TET3: variants seen among roughly 807,000 people sequenced by gnomAD.
The protein encoded by TET3 is methylcytosine dioxygenase TET3.
In TET3, 19 loss-of-function variants were observed where a neutral mutation model predicts 141.4. That is an observed-to-expected ratio of 0.13 (90% CI 0.09 to 0.20). The LOEUF is 0.20. Among genes scored for constraint, TET3 ranks in the 10% least tolerant of loss-of-function variants. The pLI, the probability that TET3 is intolerant of heterozygous loss-of-function variation, is 1.00. For missense variants in TET3, 1,874 were observed against 2,356.9 expected (o/e 0.80, Z 4.24); for synonymous variants, 1,043 against 980.9 (o/e 1.06, Z -1.18).
At chr2:74,129,910 A>G in the TET3 span, among the ~76,000 whole-genome samples, 1 of 151,968 alleles carries the variant, frequency 6.6e-6, no homozygotes, top group Non-Finnish European at 1.5e-5. Context: ...CCTGGCCAAC[A>G]TGGTGAAACC....
chr2:74,116,167 C>T, the TET3 span, among the ~76,000 whole-genome samples: 13 of 152,104 alleles, frequency 8.5e-5, no homozygotes, highest in Admixed American at 4.6e-4. Flanking sequence ...ACTGAGATAT[C>T]ATGTCATCTC....
rs1457941670 is a variant in TET3, at chr2:74,101,483, C to A, written c.4695C>A (p.Gly1565=). 1.9e-6 allele frequency: 3 copies of A among 1,613,284 alleles called. No homozygotes were observed. Among genetic ancestry groups the A allele is most frequent in the Admixed American group, 1.7e-5 (1 of 59,944 alleles). The change falls in exon 12 of 12, where the codon GGC becomes GGA. Residue 1565 remains glycine, a synonymous_variant. Transcript: ENST00000409262. The surrounding 1 kb of genome is among the most constrained non-coding windows in gnomAD (Gnocchi z 8.5). ...KLWNPMKGEE[G]RIPAAGASQL... ...GGAACCCCATGAAAGGAGAGGAGGG[C>A]AGGATTCCAGCCGCAGGGGCCAGCC...
chr2:74,026,657 T>C (rs543883430), intron 3 of TET3, among the ~76,000 whole-genome samples: 1 of 152,256 alleles, frequency 6.6e-6, no homozygotes, highest in Non-Finnish European at 1.5e-5. Context: ...TCATGCTTAT[T>C]GCATATTATG....
intron 4 of TET3, 79 bp from the exon 5 acceptor site, chr2:74,073,470 T>C (rs888775127): frequency 4.1e-5 from 46 of 1,120,292 alleles, no homozygotes; most frequent in Non-Finnish European, 5.1e-5. Context: ...CTATTAACTT[T>C]CCTGTTGGTG....
chr2:74,096,279 CG>C (rs1690821607), intron 10 of TET3, among the ~76,000 whole-genome samples: 1 of 152,106 alleles, frequency 6.6e-6, no homozygotes, highest in Admixed American at 6.5e-5. Context: ...CAGAGGAAGT[CG>C]TAGACCCACA....
rs1690618533 is a variant in TET3 at position 74,093,291 on chromosome 2, C to T, written c.3130-238C>T. On this transcript the variant is annotated intron_variant, in intron 9 of 11. Coordinates refer to ENST00000409262, the MANE Select transcript of TET3 (RefSeq NM_001287491.2). The surrounding 1 kb of genome is among the most constrained non-coding windows in gnomAD (Gnocchi z 4.2). ...TTTCTCTCACCTGTCACCCTTGTATCTCCTAGACAAGGCAAGGGGACTTGG... is the reference window on the plus strand; with the variant it reads ...TTTCTCTCACCTGTCACCCTTGTATTTCCTAGACAAGGCAAGGGGACTTGG... Among the ~76,000 whole-genome samples the T allele has an allele frequency of 6.6e-6, 1 of 152,206 alleles. No individual in the cohort carries two copies. Among genetic ancestry groups the T allele is most frequent in the Non-Finnish European group, 1.5e-5 (1 of 68,032 alleles).
At chr2:74,038,318 TC>T (rs1252346113) in intron 3 of TET3, among the ~76,000 whole-genome samples, 2 of 152,216 alleles carry the variant, frequency 1.3e-5, no homozygotes, top group Non-Finnish European at 2.9e-5. Flanking sequence ...TTCCTGCCTC[TC>T]AGTCTCCTAG....
At chr2:74,124,234 C>A in the TET3 span, among the ~76,000 whole-genome samples, 5 of 151,072 alleles carry the variant, frequency 3.3e-5, no homozygotes, top group African/African-American at 9.8e-5. Context: ...CAGCCCCCGC[C>A]CAGCCAGCCG....
Position 74,047,182 on chromosome 2 carries a change from C to T in TET3, c.1265C>T (p.Ser422Phe). Residue 422 changes from serine (S) to phenylalanine (F), a missense_variant, in exon 4 of 12, where the codon TCT becomes TTT. Physicochemically the swap from Ser to Phe is radical, Grantham distance 155 (BLOSUM62 -2). Coordinates refer to ENST00000409262, the MANE Select transcript of TET3 (RefSeq NM_001287491.2). ...CACTCATCTTTTGCTCCTGATAGCT[C>T]TGCCTTCCCTCCAGCAACTCCTAGA... is the stretch of plus-strand genomic sequence containing the variant. ...EEHSSFAPDS[S>F]AFPPATPRTE... The T allele has an allele frequency of 6.2e-7, 1 of 1,614,012 alleles. No homozygotes were observed. Among genetic ancestry groups the T allele is most frequent in the South Asian group, 1.1e-5 (1 of 91,090 alleles).
intron 10 of TET3, among the ~76,000 whole-genome samples, chr2:74,097,976 C>T (rs1362420409): frequency 1.3e-5 from 2 of 152,112 alleles, no homozygotes; most frequent in East Asian, 3.8e-4. Context: ...ATATAGTCAA[C>T]ACAAGAGTAG....
intron 6 of TET3, among the ~76,000 whole-genome samples, chr2:74,086,402 T>C (rs1690162199): frequency 6.6e-6 from 1 of 152,188 alleles, no homozygotes; most frequent in Non-Finnish European, 1.5e-5. Flanking sequence ...AGTAGCTTTA[T>C]TGAGATACAA....
chr2:74,029,491 G>C lies in TET3; in HGVS notation c.361-16787G>C, dbSNP rs148526642. Among the ~76,000 whole-genome samples, 436 of 152,306 alleles carry C rather than the reference G, an allele frequency of 2.9e-3. 2 individuals carry two copies. The highest frequency in any genetic ancestry group is 0.01 in the African/African-American group (416 of 41,566). ...TTAAAAATGAAATTCTTGAAGAATA[G>C]TTAACAATATAGGAAAATGTTTATA... On this transcript the variant is annotated intron_variant, in intron 3 of 11. Transcript: ENST00000409262.
chr2:73,995,159 C>G (rs1399754117), intron 2 of TET3, among the ~76,000 whole-genome samples: 2 of 152,182 alleles, frequency 1.3e-5, no homozygotes, highest in African/African-American at 4.8e-5. Context: ...GGGGTTTTAC[C>G]ATGTTGGCCA....
At chr2:74,124,986 T>C in the TET3 span, among the ~76,000 whole-genome samples, 6 of 147,078 alleles carry the variant, frequency 4.1e-5, no homozygotes, top group African/African-American at 1.5e-4. Context: ...CTAACATGTA[T>C]ATTTAATACT....
the TET3 span, among the ~76,000 whole-genome samples, chr2:74,132,793 G>A: frequency 5.9e-5 from 9 of 152,220 alleles, no homozygotes; most frequent in Non-Finnish European, 1.2e-4. Context: ...CTGTAGAGAG[G>A]AAGGGACAGC....
chr2:74,075,677 G>A (rs1689467218), intron 5 of TET3, among the ~76,000 whole-genome samples: 1 of 152,094 alleles, frequency 6.6e-6, no homozygotes, highest in African/African-American at 2.4e-5. Context: ...ATTTTGAGCT[G>A]AATGACTATA....
At chr2:74,134,986 G>T in the TET3 span, 1 of 273,494 alleles carries the variant, frequency 3.7e-6, no homozygotes, top group South Asian at 3.5e-5. Context: ...TCAGCTGTGA[G>T]GGAGGCAGGG....
chr2:74,073,672 G>A (rs781664423), intron 5 of TET3, 33 bp downstream of exon 5: 1 of 1,541,068 alleles, frequency 6.5e-7, no homozygotes, highest in Non-Finnish European at 8.9e-7. Flanking sequence ...AGGAGAAATG[G>A]ATGTGCTGTT....
Position 74,101,665 on chromosome 2 carries a change from A to T in TET3, c.4877A>T (p.Lys1626Met). The T allele has an allele frequency of 1.2e-6, 2 of 1,613,680 alleles. No individual in the cohort carries two copies. Among genetic ancestry groups the T allele is most frequent in the Non-Finnish European group, 1.7e-6 (2 of 1,179,856 alleles). Residue 1626 changes from lysine to methionine, a missense_variant, in exon 12 of 12, where the codon AAG becomes ATG. Physicochemically the swap from Lys to Met is moderately conservative, Grantham distance 95. Around this residue, in one of 10 missense-constraint regions of TET3, gnomAD observed 602 missense variants for 590.2 expected, o/e 1.02. Transcript: ENST00000409262. This position sits in a 1 kb window ranked among gnomAD's most constrained non-coding sequence, Gnocchi z 8.5. ...PPSKGAVKEEKGGGGAEEEEE... is the reference protein window; with the variant it reads ...PPSKGAVKEEMGGGGAEEEEE... Reference sequence around the variant, plus strand: ...AGCAAGGGAGCGGTGAAGGAGGAGAAGGGCGGTGGTGGTGCGGAGGAGGAA... The same window carrying T: ...AGCAAGGGAGCGGTGAAGGAGGAGATGGGCGGTGGTGGTGCGGAGGAGGAA...
Sources: gnomAD v4.1 joint callset for allele counts (sites outside exome capture counted in the v4.1 genomes callset) on GRCh38, gnomAD v4.1.1 for gene constraint, gnomAD v4.1.1 regional missense constraint, Gnocchi (gnomAD v3.1) non-coding constraint, MANE v1.5 for transcripts, NCBI Gene and HGNC (gene_info 2026-07-23, HGNC 2026-07-21) for gene names.